The following AGO4 variants were observed in gnomAD, a reference collection of about 807,000 sequenced individuals.
AGO4 encodes argonaute RISC component 4.
Under a neutral mutation model 104.7 loss-of-function variants are expected in AGO4, and 33 were observed. That is an observed-to-expected ratio of 0.32 (90% confidence interval 0.24 to 0.42). The LOEUF (loss-of-function observed/expected upper bound fraction) is 0.42, where lower values mean the gene tolerates loss of function less well. AGO4 is among the 10% of genes least tolerant of loss of function. The pLI is 1.00. For synonymous variants in AGO4, 331 were observed against 364.7 expected, an observed-to-expected ratio of 0.91 and a Z score of 1.05; for missense variants, 711 against 1,083.4, an observed-to-expected ratio of 0.66 and a Z score of 4.83.
rs548994988 is a variant in AGO4 at position 35,857,532 on chromosome 1, C to G, written c.*3927C>G. 51 of 152,222 alleles carry G rather than the reference C, an allele frequency of 3.4e-4. No individual in the cohort carries two copies. Among genetic ancestry groups the G allele is most frequent in the Admixed American group, 9.2e-4 (14 of 15,290 alleles). The allele number at this position is 152,222 out of a possible 1,614,324, so 9.4% of individuals were successfully genotyped here. On this transcript the variant is annotated 3_prime_UTR_variant, in exon 18 of 18. Coordinates refer to ENST00000373210, the MANE Select transcript of AGO4 (RefSeq NM_017629.4). ...CTAGCAATACGAGGTACTTTCTAAA[C>G]TATTAAGGGAGGGGTTGTATCCTCA...
intron 2 of AGO4, among the ~76,000 whole-genome samples, chr1:35,818,666 A>AAGAAAGGAAGGAAGGAAGGAAGGAAGG (rs1553144595): frequency 3.8e-5 from 3 of 79,684 alleles, no homozygotes; most frequent in African/African-American, 1.5e-4. Context: ...AGAAAGGAAG[A>AAGAAAGGAAGGAAGGAAGGAAGGAAGG]AAGGAAGGAA....
chr1:35,825,923 T>C lies in AGO4; in HGVS notation c.626-3T>C. On this transcript the variant is annotated splice_region_variant and splice_polypyrimidine_tract_variant and intron_variant, in intron 5 of 17. Coordinates refer to ENST00000373210, the MANE Select transcript of AGO4 (RefSeq NM_017629.4). ...AAGTGAAGTATCCTTCTCTGTTTGT[T>C]AGTATCTGCAACTGCTTTCTACCGG... 6.2e-7 allele frequency: 1 copy of C among 1,613,858 alleles called. No individual in the cohort carries two copies. The highest frequency in any genetic ancestry group is 8.5e-7 in the Non-Finnish European group (1 of 1,179,924).
At chr1:35,832,219 C>T (rs1644202662) in intron 10 of AGO4, 34 bp downstream of exon 10, 1 of 1,603,994 alleles carries the variant, frequency 6.2e-7, no homozygotes, top group Non-Finnish European at 8.5e-7. Flanking sequence ...AAGCTTCTTC[C>T]ACAACCAGTC....
chr1:35,823,488 C>T (rs1643933070), intron 3 of AGO4, among the ~76,000 whole-genome samples: 6 of 152,014 alleles, frequency 3.9e-5, no homozygotes, highest in South Asian at 4.1e-4. Context: ...TGCAGTGGCG[C>T]GATCTCGGCG....
chr1:35,848,552 A>G (rs1404600750), intron 15 of AGO4, among the ~76,000 whole-genome samples: 1 of 151,932 alleles, frequency 6.6e-6, no homozygotes, highest in East Asian at 1.9e-4. Flanking sequence ...TGGGTGCTCA[A>G]GCAATAACTG....
chr1:35,832,397 TTTCTTC>T (rs761785153), intron 10 of AGO4, 34 bp from the exon 11 acceptor site: 61 of 1,522,894 alleles, frequency 4.0e-5, no homozygotes, highest in Middle Eastern at 1.8e-4. Flanking sequence ...TTTTCTTTTG[TTTCTTC>T]TTCTTCTTCT....
intron 11 of AGO4, among the ~76,000 whole-genome samples, chr1:35,833,103 A>AC (rs895852269): frequency 5.3e-5 from 8 of 151,812 alleles, no homozygotes; most frequent in Admixed American, 5.3e-4. Context: ...ACATGGTGAA[A>AC]CCCCGTCTCT....
intron 2 of AGO4, among the ~76,000 whole-genome samples, chr1:35,819,141 G>T (rs1022085486): frequency 1.3e-5 from 2 of 152,122 alleles, no homozygotes; most frequent in African/African-American, 2.4e-5. Flanking sequence ...GTGAAAGAAA[G>T]AAATTAGTCA....
chr1:35,825,542 G>A, intron 4 of AGO4, 48 bp downstream of exon 4: 2 of 1,589,170 alleles, frequency 1.3e-6, no homozygotes, highest in South Asian at 1.1e-5. Context: ...AGACTTTTTT[G>A]GTAGGTTGTA....
intron 6 of AGO4, 110 bp downstream of exon 6, chr1:35,826,170 A>G: frequency 1.5e-6 from 2 of 1,369,324 alleles, no homozygotes; most frequent in South Asian, 1.4e-5. Flanking sequence ...AACCACTTCT[A>G]TCAATGGGAC....
At chr1:35,849,057 C>T (rs1644639202) in intron 15 of AGO4, among the ~76,000 whole-genome samples, 3 of 152,176 alleles carry the variant, frequency 2.0e-5, no homozygotes. Context: ...GAAATGTGTT[C>T]ATACTGAACT....
At chr1:35,809,042 T>C (rs545577) in intron 1 of AGO4, among the ~76,000 whole-genome samples, 149,719 of 152,304 alleles carry the variant, frequency 0.98, 73,638 homozygotes, top group East Asian at 1. Context: ...TGTGTTAGTC[T>C]CAGAGTGGTC....
chr1:35,813,395 C>T (rs1159730101), intron 1 of AGO4, among the ~76,000 whole-genome samples: 11 of 146,994 alleles, frequency 7.5e-5, no homozygotes, highest in South Asian at 2.2e-4. Flanking sequence ...GGTGACAGAG[C>T]GAGACTCCAT....
chr1:35,811,844 C>G (rs1571250034), intron 1 of AGO4, among the ~76,000 whole-genome samples: 1 of 152,190 alleles, frequency 6.6e-6, no homozygotes, highest in Non-Finnish European at 1.5e-5. Context: ...GTGATCCACC[C>G]GCCCCGGCCT....
At chr1:35,822,597 G>C (rs1288551626) in intron 2 of AGO4, among the ~76,000 whole-genome samples, 1 of 152,106 alleles carries the variant, frequency 6.6e-6, no homozygotes, top group Non-Finnish European at 1.5e-5. Context: ...AGAGGATTTT[G>C]GAAAGAGGAG....
At chr1:35,839,966 CAAAA>C (rs1193105845) in intron 13 of AGO4, among the ~76,000 whole-genome samples, 3 of 88,954 alleles carry the variant, frequency 3.4e-5, no homozygotes, top group Admixed American at 1.2e-4. Context: ...GACCCTGTCT[CAAAA>C]AAAAAAAAAA....
intron 2 of AGO4, among the ~76,000 whole-genome samples, chr1:35,821,902 T>C (rs545702972): frequency 6.6e-6 from 1 of 152,212 alleles, no homozygotes; most frequent in Admixed American, 6.5e-5. Context: ...GATTTTTTTT[T>C]TTTTTGACAG....
In AGO4 at chr1:35,831,360, G is replaced by A. The variant is rs561355249; in HGVS notation, c.849-67G>A. 1.7e-5 allele frequency: 26 copies of A among 1,519,084 alleles called. No individual in the cohort carries two copies. In the African/African-American group the frequency reaches 3.7e-4, roughly 21 times the overall value. The allele number at this position is 1,519,084 out of a possible 1,614,324, so 94.1% of individuals were successfully genotyped here. A position where few individuals can be genotyped will look rare whatever the true frequency, so the allele number is the denominator to read the frequency against. On this transcript the variant is annotated intron_variant, in intron 7 of 17. Transcript: ENST00000373210. ...AGTGAGACACTGTCTCAAAAAAAAAGAAAAAAGAAAAAGAAGAAAAGAAAG... is the reference window on the plus strand; with the variant it reads ...AGTGAGACACTGTCTCAAAAAAAAAAAAAAAAGAAAAAGAAGAAAAGAAAG...
Position 35,833,371 on chromosome 1 carries a change from A to G in AGO4, c.1380-619A>G, listed in dbSNP as rs374272296. The stretch of plus-strand genomic sequence containing the variant: ...GTGAAAGAAAGGAATTCTACAAAAT[A>G]TTGGCAAATGCACCAAAGGAATTCT... On this transcript the variant is annotated intron_variant, in intron 11 of 17. Transcript: ENST00000373210. Among the ~76,000 whole-genome samples the G allele has an allele frequency of 1.3e-4, 20 of 152,330 alleles. No homozygotes were observed. In the East Asian group the frequency reaches 1.5e-3, roughly 12 times the overall value.
Sources: allele counts gnomAD v4.1 joint callset (sites outside exome capture counted in the v4.1 genomes callset), GRCh38; gene constraint gnomAD v4.1.1; transcripts MANE v1.5; gene names NCBI Gene and HGNC (gene_info 2026-07-23, HGNC 2026-07-21).